Variants in EPHB1 observed in about 807,000 individuals in gnomAD.
The protein encoded by EPHB1 is EPH receptor B1, also known as ephrin type-B receptor 1.
Under a neutral mutation model 94.4 loss-of-function variants are expected in EPHB1, and 30 were observed. The ratio of observed to expected loss-of-function variants is 0.32; its 90% CI spans 0.24 to 0.43. The LOEUF (loss-of-function observed/expected upper bound fraction) is 0.43. Ranked by LOEUF, EPHB1 falls within the 20% of genes least tolerant of loss-of-function variation. The pLI, the probability that EPHB1 is intolerant of heterozygous loss-of-function variation, is 1.00. For synonymous variants in EPHB1, 522 were observed against 489.1 expected, an observed-to-expected ratio of 1.07 and a Z score of -0.89; for missense variants, 1,055 against 1,308.3, an observed-to-expected ratio of 0.81 and a Z score of 2.99.
chr3:134,811,439 A>G (rs2036178706), intron 1 of EPHB1, among the ~76,000 whole-genome samples: 1 of 151,762 alleles, frequency 6.6e-6, no homozygotes, highest in Non-Finnish European at 1.5e-5. Flanking sequence ...GGGTTTCACC[A>G]TGTTGGCCAG....
intron 3 of EPHB1, among the ~76,000 whole-genome samples, chr3:135,012,377 G>C (rs771331623): frequency 6.6e-6 from 1 of 152,354 alleles, no homozygotes; most frequent in Middle Eastern, 3.4e-3. Flanking sequence ...ATAGCACATG[G>C]TGGCAGTCAG....
chr3:134,861,893 T>TA (rs903192279), intron 1 of EPHB1, among the ~76,000 whole-genome samples: 25 of 151,566 alleles, frequency 1.6e-4, no homozygotes, highest in African/African-American at 5.8e-4. Context: ...AAATTTAAAT[T>TA]AAAAAAAAGA....
chr3:135,161,364 C>T (rs1157897585), intron 6 of EPHB1, among the ~76,000 whole-genome samples: 1 of 152,130 alleles, frequency 6.6e-6, no homozygotes, highest in Non-Finnish European at 1.5e-5. Flanking sequence ...CATGCCCGCT[C>T]TGAATGCTGG....
At chr3:134,886,685 A>G (rs1263317904) in intron 1 of EPHB1, among the ~76,000 whole-genome samples, 1 of 152,174 alleles carries the variant, frequency 6.6e-6, no homozygotes, top group Admixed American at 6.5e-5. Flanking sequence ...AGTACTCACT[A>G]TGTGCTGGGA....
intron 3 of EPHB1, among the ~76,000 whole-genome samples, chr3:134,990,433 T>C (rs1432735704): frequency 6.6e-6 from 1 of 152,216 alleles, no homozygotes; most frequent in Non-Finnish European, 1.5e-5. Context: ...AGCCTCTAAC[T>C]TAGGGATGCT....
chr3:135,065,482 G>T (rs1470746395), intron 3 of EPHB1, among the ~76,000 whole-genome samples: 8 of 151,950 alleles, frequency 5.3e-5, no homozygotes, highest in Non-Finnish European at 1.0e-4. Context: ...TTTAAAGTTT[G>T]TTTTGTCTGA....
At chr3:135,057,443 CTCT>C (rs1576351614) in intron 3 of EPHB1, among the ~76,000 whole-genome samples, 2 of 152,162 alleles carry the variant, frequency 1.3e-5, no homozygotes. Flanking sequence ...TCTCATTATT[CTCT>C]TCTTCTTCCC....
chr3:134,827,772 G>A (rs141540107), intron 1 of EPHB1, among the ~76,000 whole-genome samples: 1 of 152,246 alleles, frequency 6.6e-6, no homozygotes, highest in East Asian at 1.9e-4. Flanking sequence ...AATGGGGAGG[G>A]GTGAAATTGC....
At chr3:135,028,564 G>A (rs1391868782) in intron 3 of EPHB1, among the ~76,000 whole-genome samples, 3 of 145,756 alleles carry the variant, frequency 2.1e-5, no homozygotes, top group Admixed American at 7.0e-5. Context: ...CTGAGTTCTA[G>A]TTTGATTGCA....
intron 3 of EPHB1, among the ~76,000 whole-genome samples, chr3:134,957,164 T>G (rs1933309333): frequency 6.6e-6 from 1 of 152,084 alleles, no homozygotes; most frequent in South Asian, 2.1e-4. Flanking sequence ...AGGGAAGGCA[T>G]GAGAGCCCTC....
At chr3:134,877,471 G>A (rs911085746) in intron 1 of EPHB1, among the ~76,000 whole-genome samples, 2 of 151,960 alleles carry the variant, frequency 1.3e-5, no homozygotes, top group African/African-American at 4.8e-5. Context: ...TGACCCTCAG[G>A]CCTCCATATT....
At chr3:135,057,864 T>C (rs1443660840) in intron 3 of EPHB1, among the ~76,000 whole-genome samples, 1 of 152,258 alleles carries the variant, frequency 6.6e-6, no homozygotes, top group Non-Finnish European at 1.5e-5. Flanking sequence ...CAGGCCATTG[T>C]GGGAGCCTTT....
At chr3:134,913,216 T>TC (rs1419190512) in intron 1 of EPHB1, among the ~76,000 whole-genome samples, 1 of 152,020 alleles carries the variant, frequency 6.6e-6, no homozygotes, top group East Asian at 1.9e-4. Flanking sequence ...CAGAACACCC[T>TC]CAGTGGTGGG....
chr3:135,180,774 TAAAAG>T (rs752433392), intron 10 of EPHB1, among the ~76,000 whole-genome samples: 5 of 152,216 alleles, frequency 3.3e-5, no homozygotes, highest in Non-Finnish European at 7.3e-5. Context: ...CAAAAATCAC[TAAAAG>T]AAATCTCATT....
intron 3 of EPHB1, among the ~76,000 whole-genome samples, chr3:135,009,898 T>C (rs1006961087): frequency 9.9e-5 from 15 of 152,206 alleles, no homozygotes; most frequent in African/African-American, 3.6e-4. Flanking sequence ...ATTATTTGCT[T>C]TTTAAATCAA....
intron 3 of EPHB1, among the ~76,000 whole-genome samples, chr3:135,092,585 C>T (rs956393668): frequency 6.6e-6 from 1 of 152,122 alleles, no homozygotes; most frequent in African/African-American, 2.4e-5. Flanking sequence ...ACAGCCCTGA[C>T]TCTGGAGTCC....
chr3:134,804,285 A>G (rs181250478), intron 1 of EPHB1, among the ~76,000 whole-genome samples: 1 of 152,132 alleles, frequency 6.6e-6, no homozygotes, highest in East Asian at 1.9e-4. Flanking sequence ...AGGAAGAAGC[A>G]AAGTGGAAAC....
intron 1 of EPHB1, among the ~76,000 whole-genome samples, chr3:134,841,087 C>A (rs551668569): frequency 6.6e-6 from 1 of 152,328 alleles, no homozygotes; most frequent in East Asian, 1.9e-4. Context: ...TCAGCTACAT[C>A]TACCCTTATT....
At chr3:134,807,327 G>A (rs1386347772) in intron 1 of EPHB1, among the ~76,000 whole-genome samples, 1 of 152,176 alleles carries the variant, frequency 6.6e-6, no homozygotes, top group African/African-American at 2.4e-5. Flanking sequence ...TTCCTTCAGG[G>A]AGCTCACTGA....
Sources: gnomAD v4.1 joint callset for allele counts (sites outside exome capture counted in the v4.1 genomes callset) on GRCh38, gnomAD v4.1.1 for gene constraint, MANE v1.5 for transcripts, NCBI Gene and HGNC (gene_info 2026-07-23, HGNC 2026-07-21) for gene names.